The following TUB variants were observed in gnomAD, a reference collection of about 807,000 sequenced individuals.
TUB encodes the protein tubby protein homolog.
A neutral mutation model predicts 59.7 loss-of-function variants in TUB; 33 were observed. The observed-to-expected ratio is 0.55, with a 90% confidence interval of 0.42 to 0.74. TUB has a LOEUF of 0.74. TUB is among the 30% of genes least tolerant of loss of function. The pLI is 0.00. For synonymous variants in TUB, 293 were observed against 256.4 expected (o/e 1.14, Z -1.36); for missense variants, 659 against 672.0 (o/e 0.98, Z 0.21).
intron 2 of TUB, among the ~76,000 whole-genome samples, chr11:8,054,462 G>C (rs1942984820): frequency 1.3e-5 from 2 of 152,266 alleles, no homozygotes; most frequent in African/African-American, 2.4e-5. Context: ...GAGAGAGAGA[G>C]AGAGACAGAG....
Position 8,088,904 on chromosome 11 carries a change from G to A in TUB, c.39-706G>A, listed in dbSNP as rs182563915. ...TGTGCCATGTCTGCAGCCCGGGAAGGACCTGGTAGCTGGTTGCTGGGCTGT... is the reference window on the plus strand; with the variant it reads ...TGTGCCATGTCTGCAGCCCGGGAAGAACCTGGTAGCTGGTTGCTGGGCTGT... On this transcript the variant is annotated intron_variant, in intron 1 of 11. Transcript: ENST00000299506. Among the ~76,000 whole-genome samples the A allele has an allele frequency of 1.1e-3, 170 of 152,368 alleles. 1 individual carries two copies. The highest frequency in any genetic ancestry group is 6.8e-3 in the Middle Eastern group (2 of 294).
rs924615118 is a variant in TUB at position 8,104,454 on chromosome 11, T to G, written c.*2835T>G. On this transcript the variant is annotated 3_prime_UTR_variant, in exon 12 of 12. Coordinates refer to ENST00000299506, the MANE Select transcript of TUB (RefSeq NM_177972.3). ...TGTGTGTGTCTGTGCGTCTGTGTGT[T>G]TATTTGGGGAAAAGGGCAATCAGCA... The G allele has an allele frequency of 1.3e-5, 2 of 152,274 alleles. No homozygotes were observed. Among genetic ancestry groups the G allele is most frequent in the Non-Finnish European group, 2.9e-5 (2 of 68,054 alleles). 9.4% of individuals were successfully genotyped at this position (152,274 alleles called of 1,614,324 possible).
At chr11:8,081,036 C>T (rs1056873603), upstream of TUB, among the ~76,000 whole-genome samples, 1 of 151,954 alleles carries the variant, frequency 6.6e-6, no homozygotes, top group Non-Finnish European at 1.5e-5. Flanking sequence ...GCAGCGCCGC[C>T]GTTAGCCGAA....
intron 3 of TUB, among the ~76,000 whole-genome samples, chr11:8,091,636 C>T (rs1308298104): frequency 6.6e-6 from 1 of 152,144 alleles, no homozygotes; most frequent in Admixed American, 6.5e-5. Flanking sequence ...GCTAATTCCC[C>T]TGTGTGTGTG....
At chr11:8,033,340 C>A (rs1942602773) in intron 1 of TUB, among the ~76,000 whole-genome samples, 1 of 152,206 alleles carries the variant, frequency 6.6e-6, no homozygotes, top group Non-Finnish European at 1.5e-5. Flanking sequence ...CCTGCTGTGC[C>A]GCCACAAGAT....
At chr11:8,019,904 T>A (rs1159278002) in intron 1 of TUB, among the ~76,000 whole-genome samples, 2 of 152,140 alleles carry the variant, frequency 1.3e-5, no homozygotes, top group Non-Finnish European at 2.9e-5. Flanking sequence ...GCCGGCTGTC[T>A]GGGCGCAGGA....
In TUB at chr11:8,104,292, T is replaced by C. The variant is rs1944432210; in HGVS notation, c.*2673T>C. On this transcript the variant is annotated 3_prime_UTR_variant, in exon 12 of 12. Transcript: ENST00000299506. ...TAGGCAGCTTCTCTGTAACCGCTTC[T>C]GGGGCCACACCCCAAAACTCTACAC... 1 of 152,138 alleles carries C rather than the reference T, an allele frequency of 6.6e-6. No individual in the cohort carries two copies. Among genetic ancestry groups the C allele is most frequent in the African/African-American group, 2.4e-5 (1 of 41,416 alleles). 9.4% of individuals were successfully genotyped at this position (152,138 alleles called of 1,614,324 possible). A position where few individuals can be genotyped will look rare whatever the true frequency, so the allele number is the denominator to read the frequency against.
exon 1 of TUB, chr11:8,038,696 G>A: frequency 6.9e-7 from 1 of 1,452,978 alleles, no homozygotes; most frequent in Non-Finnish European, 9.0e-7. Context: ...ATGTTTCCAT[G>A]TCCTAATTAA....
chr11:8,034,320 G>A (rs1182050355), upstream of TUB, among the ~76,000 whole-genome samples: 1 of 152,178 alleles, frequency 6.6e-6, no homozygotes, highest in African/African-American at 2.4e-5. Context: ...GACTCTGCTT[G>A]AAGATTGACA....
exon 1 of TUB, chr11:8,038,992 A>C: frequency 1.2e-6 from 2 of 1,613,834 alleles, no homozygotes; most frequent in African/African-American, 1.3e-5. Flanking sequence ...CAGCACAGGA[A>C]ACCTGGGCCC....
intron 2 of TUB, among the ~76,000 whole-genome samples, chr11:8,063,088 G>T (rs1425549353): frequency 6.6e-6 from 1 of 152,206 alleles, no homozygotes; most frequent in African/African-American, 2.4e-5. Flanking sequence ...GCTGAGGCCG[G>T]GGACCCTCAC....
rs746452243 is a variant in TUB, at chr11:8,100,542, A to G, written c.1156A>G (p.Ser386Gly). Residue 386 changes from serine to glycine, a missense_variant, in exon 10 of 12, where the codon AGC (serine) becomes GGC (glycine). Ser to Gly is a moderately conservative substitution (Grantham distance 56). This residue lies in a region of TUB where 226 missense variants were observed against 210.8 expected (regional missense o/e 1.07). Transcript: ENST00000299506. The stretch of plus-strand genomic sequence containing the variant: ...AGGCTTCAAGGGGCCTCGGAAGATG[A>G]GCGTGATTGTCCCAGGCATGAACAT... ...VLGFKGPRKM[S>G]VIVPGMNMVH... 7.7e-5 allele frequency: 125 copies of G among 1,613,950 alleles called. No individual in the cohort carries two copies. The highest frequency in any genetic ancestry group is 6.7e-5 in the Non-Finnish European group (79 of 1,180,010).
chr11:8,047,239 T>C (rs111680357), intron 2 of TUB, among the ~76,000 whole-genome samples: 3,861 of 152,278 alleles, frequency 0.025, 144 homozygotes, highest in African/African-American at 0.086. Context: ...CTTCCCTGTC[T>C]TCACCTGGTA....
intron 11 of TUB, 119 bp downstream of exon 11, chr11:8,101,116 C>T (rs1944280157): frequency 8.0e-7 from 1 of 1,250,934 alleles, no homozygotes; most frequent in Non-Finnish European, 1.1e-6. Flanking sequence ...AGCTATACAG[C>T]TAAGGTTAGA....
At chr11:8,086,942 C>G (rs1943680433) in intron 1 of TUB, among the ~76,000 whole-genome samples, 2 of 152,330 alleles carry the variant, frequency 1.3e-5, no homozygotes, top group East Asian at 1.9e-4. Context: ...ACCTAGTAAT[C>G]AGGGTCACCG....
intron 1 of TUB, chr11:8,039,629 T>A (rs771648300): frequency 6.8e-7 from 1 of 1,477,070 alleles, no homozygotes; most frequent in South Asian, 1.4e-5. Flanking sequence ...GAGTCACCCC[T>A]TCTTTTCCTC....
upstream of TUB, chr11:8,038,537 G>A (rs1427822480): frequency 2.0e-6 from 2 of 992,244 alleles, no homozygotes; most frequent in African/African-American, 3.4e-5. Flanking sequence ...CTCTGCCTGG[G>A]TTGCTATAGT....
chr11:8,091,395 C>T (rs1299438836), intron 3 of TUB, among the ~76,000 whole-genome samples: 3 of 152,156 alleles, frequency 2.0e-5, no homozygotes, highest in Admixed American at 2.0e-4. Flanking sequence ...TGTACATCTG[C>T]CAGTGGCTAA....
At chr11:8,093,337 G>A (rs186195380) in intron 3 of TUB, among the ~76,000 whole-genome samples, 1 of 152,310 alleles carries the variant, frequency 6.6e-6, no homozygotes, top group East Asian at 1.9e-4. Context: ...CCAGCCTGGT[G>A]TGGCTGCAAC....
Sources: allele counts gnomAD v4.1 joint callset (sites outside exome capture counted in the v4.1 genomes callset), GRCh38; gene constraint gnomAD v4.1.1; regional missense constraint gnomAD v4.1.1; transcripts MANE v1.5; gene names NCBI Gene and HGNC (gene_info 2026-07-23, HGNC 2026-07-21).